The following RBFOX3 variants were observed in gnomAD, a reference collection of about 807,000 sequenced individuals.
RBFOX3 encodes the protein RNA binding protein fox-1 homolog 3.
A neutral mutation model predicts 48.7 loss-of-function variants in RBFOX3; 17 were observed. The observed-to-expected ratio is 0.35, with a 90% CI of 0.24 to 0.52. RBFOX3 has a LOEUF of 0.52. Ranked by LOEUF, RBFOX3 falls within the 20% of genes least tolerant of loss-of-function variation. The pLI is 0.94. For missense variants in RBFOX3, 382 were observed against 497.5 expected (o/e 0.77, Z 2.21); for synonymous variants, 212 against 209.5 (o/e 1.01, Z -0.10).
intron 4 of RBFOX3, among the ~76,000 whole-genome samples, chr17:79,188,073 G>A (rs963147660): frequency 1.3e-5 from 2 of 152,238 alleles, no homozygotes; most frequent in African/African-American, 4.8e-5. Flanking sequence ...GAGGGTCCCT[G>A]CAAGCAGGGG....
chr17:79,617,982 C>T, the RBFOX3 span, among the ~76,000 whole-genome samples: 8 of 152,190 alleles, frequency 5.3e-5, no homozygotes, highest in Admixed American at 1.3e-4. Context: ...TAAGAGTGTG[C>T]GACTCCATAT....
chr17:79,487,511 C>G (rs1245750346), intron 1 of RBFOX3, among the ~76,000 whole-genome samples: 2 of 152,178 alleles, frequency 1.3e-5, no homozygotes, highest in Non-Finnish European at 2.9e-5. Context: ...CTCAGCCCCC[C>G]GTCAGTGTTT....
At chr17:79,589,042 C>G (rs2093341856) in intron 1 of RBFOX3, among the ~76,000 whole-genome samples, 1 of 151,724 alleles carries the variant, frequency 6.6e-6, no homozygotes, top group African/African-American at 2.4e-5. Flanking sequence ...GAGCTTGGAC[C>G]TGGGCCATAT....
At chr17:79,618,097 G>A in the RBFOX3 span, among the ~76,000 whole-genome samples, 1 of 152,212 alleles carries the variant, frequency 6.6e-6, no homozygotes, top group African/African-American at 2.4e-5. Flanking sequence ...AATGTCAGAG[G>A]GAAGTCCAGG....
Position 79,385,126 on chromosome 17 carries a change from T to G in RBFOX3, c.-174-77302A>C, listed in dbSNP as rs571978825. 4.6e-5 allele frequency among the ~76,000 whole-genome samples: 7 copies of G among 152,096 alleles called. No homozygotes were observed. The South Asian group carries it at 1.5e-3, about 32-fold the overall frequency. ...CTCTTGGGCCCACCTGCCACAAACA[T>G]CAGCAGCTTGTCCCAAAACACCTAA... On this transcript the variant is annotated intron_variant, in intron 2 of 14. Coordinates refer to ENST00000693108, the MANE Select transcript of RBFOX3 (RefSeq NM_001350451.2).
chr17:79,488,821 C>T (rs1341520030), intron 1 of RBFOX3, among the ~76,000 whole-genome samples: 1 of 152,176 alleles, frequency 6.6e-6, no homozygotes, highest in Non-Finnish European at 1.5e-5. Context: ...GCGCTTTCTC[C>T]TAATACTCCG....
intron 2 of RBFOX3, among the ~76,000 whole-genome samples, chr17:79,429,857 C>A (rs1403659530): frequency 6.6e-6 from 1 of 152,150 alleles, no homozygotes; most frequent in Admixed American, 6.5e-5. Flanking sequence ...GGGCTTGCAG[C>A]CTTTGTTCTA....
chr17:79,370,668 A>C (rs2058416567), intron 2 of RBFOX3, among the ~76,000 whole-genome samples: 1 of 152,144 alleles, frequency 6.6e-6, no homozygotes, highest in Non-Finnish European at 1.5e-5. Flanking sequence ...TCACACAGGC[A>C]CACACATGTA....
intron 1 of RBFOX3, among the ~76,000 whole-genome samples, chr17:79,602,536 C>G (rs1046414839): frequency 7.9e-5 from 12 of 152,346 alleles, no homozygotes; most frequent in African/African-American, 2.6e-4. Context: ...CTATAAGGAG[C>G]CTGTGGAAGC....
Position 79,268,768 on chromosome 17 carries a change from G to A in RBFOX3, c.-73-32963C>T, listed in dbSNP as rs114229902. ...CATCTGTCCCTCTCCAGTAGCCCCC[G>A]GACCTCATCCCAACCTGTGCTGCCC... On this transcript the variant is annotated intron_variant, in intron 3 of 14. Transcript: ENST00000693108. Among the ~76,000 whole-genome samples the A allele has an allele frequency of 9.4e-3, 1,425 of 152,018 alleles. 20 individuals are homozygous for A. Among genetic ancestry groups the A allele is most frequent in the African/African-American group, 0.032 (1,342 of 41,444 alleles).
chr17:79,353,811 C>A (rs2084423969), intron 2 of RBFOX3, among the ~76,000 whole-genome samples: 1 of 152,150 alleles, frequency 6.6e-6, no homozygotes, highest in South Asian at 2.1e-4. Context: ...GGGGCCCCCA[C>A]TGGCTTTCTC....
At chr17:79,312,054 A>G (rs1349108702) in intron 2 of RBFOX3, among the ~76,000 whole-genome samples, 1 of 152,130 alleles carries the variant, frequency 6.6e-6, no homozygotes. Context: ...CTGATGATGT[A>G]TCAATAACTG....
At chr17:79,619,110 G>A in the RBFOX3 span, among the ~76,000 whole-genome samples, 2 of 152,214 alleles carry the variant, frequency 1.3e-5, no homozygotes, top group Admixed American at 6.5e-5. Context: ...GGCAGGGGAC[G>A]TGGCATCGTG....
At chr17:79,166,638 G>A (rs946561516) in intron 4 of RBFOX3, among the ~76,000 whole-genome samples, 5 of 151,708 alleles carry the variant, frequency 3.3e-5, no homozygotes, top group African/African-American at 7.3e-5. Context: ...TGCACAGGTC[G>A]GAATGTAGGC....
At chr17:79,651,119 C>T in the RBFOX3 span, among the ~76,000 whole-genome samples, 1 of 152,210 alleles carries the variant, frequency 6.6e-6, no homozygotes, top group East Asian at 1.9e-4. Context: ...GTCACCAAGT[C>T]GCCGGTTTGG....
intron 3 of RBFOX3, among the ~76,000 whole-genome samples, chr17:79,253,116 C>G (rs1344284238): frequency 6.6e-6 from 1 of 152,102 alleles, no homozygotes; most frequent in Non-Finnish European, 1.5e-5. Context: ...TCTTTCAGCC[C>G]AAGTAGATCC....
rs918889789 is a variant in RBFOX3, at chr17:79,204,197, G to A, written c.-34+31569C>T. On this transcript the variant is annotated intron_variant, in intron 4 of 14. Transcript: ENST00000693108. This position sits in a 1 kb window ranked among gnomAD's most constrained non-coding sequence, Gnocchi z 4.5. ...GTTGGGGTTCAGCACAGGCCAAGGG[G>A]GCAACAGCCCCAGCTCAGGAAGAAA... Among the ~76,000 whole-genome samples the A allele has an allele frequency of 4.6e-5, 7 of 152,118 alleles. No homozygotes were observed. Among genetic ancestry groups the A allele is most frequent in the African/African-American group, 7.2e-5 (3 of 41,412 alleles).
At chr17:79,341,380 C>T (rs1241608704) in intron 2 of RBFOX3, among the ~76,000 whole-genome samples, 2 of 152,208 alleles carry the variant, frequency 1.3e-5, no homozygotes, top group Non-Finnish European at 2.9e-5. Context: ...TTTACTTCCT[C>T]ATACTATACA....
chr17:79,167,403 GTCCTACT>G (rs1555727154), intron 4 of RBFOX3, among the ~76,000 whole-genome samples: 5 of 152,084 alleles, frequency 3.3e-5, no homozygotes, highest in African/African-American at 4.8e-5. Context: ...AGGCTCTACG[GTCCTACT>G]GAGCACCCTC....
Sources: allele counts gnomAD v4.1 joint callset (sites outside exome capture counted in the v4.1 genomes callset), GRCh38; gene constraint gnomAD v4.1.1; non-coding constraint Gnocchi (gnomAD v3.1); transcripts MANE v1.5; gene names NCBI Gene and HGNC (gene_info 2026-07-23, HGNC 2026-07-21).